The following CDH3 variants were observed in gnomAD, a reference collection of about 807,000 sequenced individuals.
The protein encoded by CDH3 is cadherin-3.
A neutral mutation model predicts 82.0 loss-of-function variants in CDH3; 54 were observed. The observed-to-expected ratio is 0.66, with a 90% CI of 0.53 to 0.83. The LOEUF (loss-of-function observed/expected upper bound fraction) is 0.83. CDH3 is among the 40% of genes least tolerant of loss of function. The pLI is 0.00. For missense variants in CDH3, 1,054 were observed against 1,084.6 expected, an observed-to-expected ratio of 0.97 and a Z score of 0.40; for synonymous variants, 446 against 437.9, an observed-to-expected ratio of 1.02 and a Z score of -0.23.
intron 2 of CDH3, among the ~76,000 whole-genome samples, chr16:68,668,545 C>G (rs1025617564): frequency 6.6e-6 from 1 of 152,160 alleles, no homozygotes; most frequent in Non-Finnish European, 1.5e-5. Flanking sequence ...ACTCATGTTC[C>G]TACATGTGCC....
At chr16:68,667,224 T>A (rs1452646492) in intron 2 of CDH3, among the ~76,000 whole-genome samples, 1 of 152,194 alleles carries the variant, frequency 6.6e-6, no homozygotes, top group Non-Finnish European at 1.5e-5. Context: ...TGCCCTCTTA[T>A]CCCAATCCCT....
chr16:68,695,111 C>G, intron 13 of CDH3, 144 bp from the exon 14 acceptor site: 2 of 876,362 alleles, frequency 2.3e-6, no homozygotes, highest in Non-Finnish European at 3.7e-6. Context: ...TGAAGTTTTC[C>G]TAGGTGCAAG....
At chr16:68,660,435 A>G (rs1238499209) in intron 2 of CDH3, among the ~76,000 whole-genome samples, 1 of 152,232 alleles carries the variant, frequency 6.6e-6, no homozygotes, top group Admixed American at 6.5e-5. Context: ...AGAATGTGTC[A>G]TCAGTCAATT....
At chr16:68,676,945 T>C (rs1961050593) in intron 3 of CDH3, among the ~76,000 whole-genome samples, 2 of 152,140 alleles carry the variant, frequency 1.3e-5, no homozygotes, top group Admixed American at 1.3e-4. Flanking sequence ...AGCTATACAA[T>C]AAATAATCTC....
downstream of CDH3, among the ~76,000 whole-genome samples, chr16:68,732,283 A>C (rs971103571): frequency 1.3e-5 from 2 of 152,196 alleles, no homozygotes; most frequent in Non-Finnish European, 2.9e-5. Context: ...ATTCCTCCCC[A>C]GTGGGCTGGC....
chr16:68,666,626 A>G (rs565818652), intron 2 of CDH3, among the ~76,000 whole-genome samples: 2 of 152,310 alleles, frequency 1.3e-5, no homozygotes, highest in South Asian at 4.1e-4. Flanking sequence ...ATACTTGGTG[A>G]CGGAGAGAGG....
intron 3 of CDH3, among the ~76,000 whole-genome samples, chr16:68,677,822 A>G (rs574547907): frequency 6.6e-6 from 1 of 152,318 alleles, no homozygotes; most frequent in Non-Finnish European, 1.5e-5. Flanking sequence ...GCTGCATAGT[A>G]TTCCACTAGA....
chr16:68,683,410 G>T (rs1465034555), intron 9 of CDH3, among the ~76,000 whole-genome samples: 1 of 151,910 alleles, frequency 6.6e-6, no homozygotes, highest in Non-Finnish European at 1.5e-5. Flanking sequence ...CCAGCACTTT[G>T]GGAGGCCGAG....
intron 13 of CDH3, among the ~76,000 whole-genome samples, chr16:68,692,798 A>T (rs142272331): frequency 7.0e-4 from 106 of 152,346 alleles, no homozygotes; most frequent in Middle Eastern, 6.8e-3. Flanking sequence ...GATCAATCAT[A>T]TGAATACAAC....
In CDH3 at chr16:68,645,348, G is replaced by A. The variant is rs1463467282; in HGVS notation, c.-32G>A. 1 of 1,610,122 alleles carries A rather than the reference G, an allele frequency of 6.2e-7. No homozygotes were observed. Among genetic ancestry groups the A allele is most frequent in the South Asian group, 1.1e-5 (1 of 90,838 alleles). On this transcript the variant is annotated 5_prime_UTR_variant, in exon 1 of 16. Coordinates refer to ENST00000264012, the MANE Select transcript of CDH3 (RefSeq NM_001793.6). ...CTGAGCGGAACACCGGCCCGCCGTCGCGGCAGCTGCTTCACCCCTCTCTCT... is the reference window on the plus strand; with the variant it reads ...CTGAGCGGAACACCGGCCCGCCGTCACGGCAGCTGCTTCACCCCTCTCTCT...
At chr16:68,723,637 G>C (rs920573039) in intron 2 of CDH3, among the ~76,000 whole-genome samples, 14 of 152,142 alleles carry the variant, frequency 9.2e-5, no homozygotes, top group Non-Finnish European at 1.9e-4. Context: ...CTGGGATTTC[G>C]TAAATAAATG....
intron 14 of CDH3, 146 bp from the exon 15 acceptor site, chr16:68,695,631 T>G: frequency 9.6e-7 from 1 of 1,042,492 alleles, no homozygotes; most frequent in Non-Finnish European, 1.4e-6. Context: ...ACGAGGGTTT[T>G]CCAAAATCTG....
chr16:68,729,134 G>A (rs983609146), downstream of CDH3, among the ~76,000 whole-genome samples: 2 of 151,960 alleles, frequency 1.3e-5, no homozygotes, highest in South Asian at 2.1e-4. Context: ...ATGAAACCCC[G>A]TCTCTACTAA....
At chr16:68,731,048 ATAT>A (rs1270930120), downstream of CDH3, among the ~76,000 whole-genome samples, 3 of 10,030 alleles carry the variant, frequency 3.0e-4, no homozygotes, top group African/African-American at 5.3e-4. Flanking sequence ...AAAAAAAAAA[ATAT>A]ATATATATAT....
In CDH3 at chr16:68,678,648, A is replaced by C. The variant is rs758410545; in HGVS notation, c.538A>C (p.Lys180Gln). 2.5e-6 allele frequency: 4 copies of C among 1,614,196 alleles called. No homozygotes were observed. The East Asian group carries it at 8.9e-5, about 36-fold the overall frequency. ...GCCACTGGACCGGGAGGAGATTGCC[A>C]AGTATGAGGCAAGTAGCCTTTAGTG... ...NKPLDREEIA[K>Q]YELFGHAVSE... The change falls in exon 5 of 16, where the codon AAG (lysine) becomes CAG (glutamine). Residue 180 changes from lysine to glutamine, a missense_variant. Lys to Gln is a moderately conservative substitution (Grantham distance 53). Transcript: ENST00000264012.
chr16:68,733,023 G>T, the CDH3 span, among the ~76,000 whole-genome samples: 1 of 152,104 alleles, frequency 6.6e-6, no homozygotes, highest in Non-Finnish European at 1.5e-5. Flanking sequence ...AACTGGAAAG[G>T]GAATGTATTG....
At chr16:68,647,672 G>C (rs1010913932) in intron 2 of CDH3, among the ~76,000 whole-genome samples, 2 of 152,124 alleles carry the variant, frequency 1.3e-5, no homozygotes, top group Admixed American at 6.6e-5. Context: ...TTAAGTAAAA[G>C]TGCATTTCTT....
At chr16:68,658,338 A>G (rs969257597) in intron 2 of CDH3, among the ~76,000 whole-genome samples, 3 of 152,256 alleles carry the variant, frequency 2.0e-5, no homozygotes, top group Non-Finnish European at 4.4e-5. Flanking sequence ...CAGGCAAGGG[A>G]AAAATGGATT....
chr16:68,728,076 GCC>G (rs1336740015), downstream of CDH3, among the ~76,000 whole-genome samples: 1 of 152,184 alleles, frequency 6.6e-6, no homozygotes, highest in Non-Finnish European at 1.5e-5. Flanking sequence ...CCAGCACAAA[GCC>G]TGATACATAA....
Sources: allele counts gnomAD v4.1 joint callset (sites outside exome capture counted in the v4.1 genomes callset), GRCh38; gene constraint gnomAD v4.1.1; transcripts MANE v1.5; gene names NCBI Gene and HGNC (gene_info 2026-07-23, HGNC 2026-07-21).